Variants in MAGI2 observed in about 807,000 individuals in gnomAD.
MAGI2 encodes the protein membrane associated guanylate kinase, WW and PDZ domain containing 2, also known as membrane-associated guanylate kinase, WW and PDZ domain-containing protein 2.
Under a neutral mutation model 133.3 loss-of-function variants are expected in MAGI2, and 35 were observed. The observed-to-expected ratio is 0.26, with a 90% CI of 0.20 to 0.35. The LOEUF is 0.35. Among genes scored for constraint, MAGI2 ranks in the 10% least tolerant of loss-of-function variants. The pLI is 1.00. For synonymous variants in MAGI2, 729 were observed against 710.6 expected, an observed-to-expected ratio of 1.03 and a Z score of -0.41; for missense variants, 1,636 against 1,863.4, an observed-to-expected ratio of 0.88 and a Z score of 2.25.
At chr7:78,886,592 C>T (rs1309293444) in intron 2 of MAGI2, among the ~76,000 whole-genome samples, 4 of 152,130 alleles carry the variant, frequency 2.6e-5, no homozygotes, top group Non-Finnish European at 5.9e-5. Context: ...GAGAAAGAAA[C>T]TGTCTGGAGG....
intron 6 of MAGI2, among the ~76,000 whole-genome samples, chr7:78,410,299 G>A (rs1399560529): frequency 6.6e-6 from 1 of 152,058 alleles, no homozygotes; most frequent in Non-Finnish European, 1.5e-5. Flanking sequence ...TATAACTATA[G>A]TAAAGTTATG....
chr7:78,242,617 C>G (rs1037683893), intron 10 of MAGI2, among the ~76,000 whole-genome samples: 10 of 152,116 alleles, frequency 6.6e-5, no homozygotes, highest in African/African-American at 1.9e-4. Context: ...CTCCTAATCT[C>G]CCTGGATACA....
intron 2 of MAGI2, among the ~76,000 whole-genome samples, chr7:78,743,647 A>C (rs1822639401): frequency 6.6e-6 from 1 of 152,176 alleles, no homozygotes; most frequent in Non-Finnish European, 1.5e-5. Flanking sequence ...TCACATACTA[A>C]GCATAAATCC....
intron 6 of MAGI2, among the ~76,000 whole-genome samples, chr7:78,469,773 A>G (rs2150419487): frequency 6.6e-6 from 1 of 152,210 alleles, no homozygotes; most frequent in African/African-American, 2.4e-5. Context: ...AATCCTGAGA[A>G]TACTGGATCT....
intron 3 of MAGI2, among the ~76,000 whole-genome samples, chr7:78,527,029 A>AAAAAAAAAAAAAAAG (rs1563125198): frequency 1.6e-5 from 2 of 124,836 alleles, no homozygotes; most frequent in African/African-American, 2.9e-5. Context: ...AAAAAAAAAA[A>AAAAAAAAAAAAAAAG]AAAAAGAAAA....
chr7:78,807,391 A>C, intron 2 of MAGI2, among the ~76,000 whole-genome samples: 1 of 152,172 alleles, frequency 6.6e-6, no homozygotes, highest in African/African-American at 2.4e-5. Flanking sequence ...AAAGAGTGAC[A>C]CTGTTTTCTG....
At chr7:78,225,968 C>T (rs1414094485) in intron 10 of MAGI2, among the ~76,000 whole-genome samples, 1 of 152,158 alleles carries the variant, frequency 6.6e-6, no homozygotes, top group African/African-American at 2.4e-5. Context: ...GAGTGCTTCT[C>T]AAACAATCTC....
At chr7:78,679,524 G>A (rs1398491593) in intron 2 of MAGI2, among the ~76,000 whole-genome samples, 1 of 125,798 alleles carries the variant, frequency 7.9e-6, no homozygotes, top group Non-Finnish European at 1.7e-5. Flanking sequence ...TCCTAAATGA[G>A]CACAGCTCTA....
At chr7:78,460,703 G>C (rs1235598223) in intron 6 of MAGI2, among the ~76,000 whole-genome samples, 1 of 152,180 alleles carries the variant, frequency 6.6e-6, no homozygotes, top group East Asian at 1.9e-4. Context: ...AAGGCACTGA[G>C]GCCCTTTGCT....
At chr7:78,742,770 G>A (rs1002441634) in intron 2 of MAGI2, among the ~76,000 whole-genome samples, 12 of 152,124 alleles carry the variant, frequency 7.9e-5, no homozygotes, top group Non-Finnish European at 1.8e-4. Flanking sequence ...AATAGATAGT[G>A]ACTCAACTGA....
chr7:78,564,996 T>C (rs888391572), intron 3 of MAGI2, among the ~76,000 whole-genome samples: 2 of 151,686 alleles, frequency 1.3e-5, no homozygotes, highest in African/African-American at 4.8e-5. Context: ...GGTTTCATCG[T>C]GTTAGCCAGG....
chr7:78,160,806 G>C (rs1464753841), intron 15 of MAGI2, among the ~76,000 whole-genome samples: 1 of 152,150 alleles, frequency 6.6e-6, no homozygotes, highest in East Asian at 1.9e-4. Context: ...GTATTATAAG[G>C]AAGGCTAACA....
At chr7:78,176,855 C>T (rs1168697514) in intron 14 of MAGI2, among the ~76,000 whole-genome samples, 1 of 134,594 alleles carries the variant, frequency 7.4e-6, no homozygotes, top group Non-Finnish European at 1.6e-5. Context: ...CTCAGGAAAA[C>T]CACATATATA....
At chr7:79,077,596 T>TAAAAA (rs1386891932) in intron 1 of MAGI2, among the ~76,000 whole-genome samples, 2 of 40,126 alleles carry the variant, frequency 5.0e-5, no homozygotes, top group Admixed American at 2.9e-4. Context: ...AAAAAAAAAA[T>TAAAAA]AAATAAATAA....
rs1819711145 is a variant in MAGI2 at position 78,716,440 on chromosome 7, TA to T, written c.419-89202del. On this transcript the variant is annotated intron_variant, in intron 2 of 21. Transcript: ENST00000354212. ...TAGTAGGAGAGAAAGCAATGAAAAA[TA>T]GCAAAACTGTTCCTAAGTTAGAAAT... Among the ~76,000 whole-genome samples the T allele has an allele frequency of 6.6e-5, 10 of 151,992 alleles. 1 individual carries two copies. The South Asian group carries it at 2.1e-3, about 32-fold the overall frequency.
At chr7:78,436,976 C>G (rs1010878677) in intron 6 of MAGI2, among the ~76,000 whole-genome samples, 1 of 152,164 alleles carries the variant, frequency 6.6e-6, no homozygotes, top group Non-Finnish European at 1.5e-5. Context: ...GCCAGCAGTA[C>G]TCTCTAAGGC....
At chr7:79,201,427 G>A (rs1215767035) in intron 1 of MAGI2, among the ~76,000 whole-genome samples, 2 of 152,030 alleles carry the variant, frequency 1.3e-5, no homozygotes, top group African/African-American at 4.8e-5. Context: ...TGTGGTCAGG[G>A]TGTGTGCCTC....
At chr7:78,625,553 T>C (rs1262262945) in intron 3 of MAGI2, among the ~76,000 whole-genome samples, 1 of 152,094 alleles carries the variant, frequency 6.6e-6, no homozygotes, top group African/African-American at 2.4e-5. Flanking sequence ...TAAGTACATT[T>C]AATATAGCCT....
At chr7:78,455,585 T>C (rs973922320) in intron 6 of MAGI2, among the ~76,000 whole-genome samples, 1 of 152,198 alleles carries the variant, frequency 6.6e-6, no homozygotes, top group African/African-American at 2.4e-5. Flanking sequence ...ATTATGTTAA[T>C]ATTTTAATGA....
Sources: gnomAD v4.1 joint callset for allele counts (sites outside exome capture counted in the v4.1 genomes callset) on GRCh38, gnomAD v4.1.1 for gene constraint, MANE v1.5 for transcripts, NCBI Gene and HGNC (gene_info 2026-07-23, HGNC 2026-07-21) for gene names.